EGFLAM: variants seen among roughly 807,000 people sequenced by gnomAD.
The protein encoded by EGFLAM is pikachurin.
In EGFLAM, 79 loss-of-function variants were observed where a neutral mutation model predicts 113.1. That is an observed-to-expected ratio of 0.70 (90% CI 0.58 to 0.84). The LOEUF is 0.84. EGFLAM is among the 40% of genes least tolerant of loss of function. The probability of loss-of-function intolerance (pLI) is 0.00; values close to 1 mark genes in which losing one functional copy is unlikely to be tolerated. For missense variants in EGFLAM, 1,265 were observed against 1,291.6 expected (o/e 0.98, Z 0.32); for synonymous variants, 504 against 487.6 (o/e 1.03, Z -0.44).
intron 5 of EGFLAM, among the ~76,000 whole-genome samples, chr5:38,354,217 A>G (rs1441008182): frequency 1.3e-5 from 2 of 152,084 alleles, no homozygotes; most frequent in Non-Finnish European, 1.5e-5. Flanking sequence ...CGCCCCTGCC[A>G]TTGAACAGAT....
rs774283779 is a variant in EGFLAM at position 38,451,320 on chromosome 5, C to T, written c.2549C>T (p.Ser850Leu). ...YDNPDILKRVSGSRSNVFMRF... is the reference protein window; with the variant it reads ...YDNPDILKRVLGSRSNVFMRF... Reference sequence around the variant, plus strand: ...TATTTGTGTATTTCCTCCAGGGTGTCAGGATCAAGATCAAATGTGTTCATG... The same window carrying T: ...TATTTGTGTATTTCCTCCAGGGTGTTAGGATCAAGATCAAATGTGTTCATG... Residue 850 changes from serine (S) to leucine (L), a missense_variant, in exon 19 of 22, where the codon TCA (serine) becomes TTA (leucine). Coordinates refer to ENST00000322350, the MANE Select transcript of EGFLAM (RefSeq NM_152403.4). 6.2e-7 allele frequency: 1 copy of T among 1,612,876 alleles called. No individual in the cohort carries two copies. Among genetic ancestry groups the T allele is most frequent in the South Asian group, 1.1e-5 (1 of 90,906 alleles).
At chr5:38,391,417 T>TGA (rs1220655676) in intron 6 of EGFLAM, among the ~76,000 whole-genome samples, 3 of 151,630 alleles carry the variant, frequency 2.0e-5, no homozygotes, top group Non-Finnish European at 4.4e-5. Flanking sequence ...TGTGTGTGTG[T>TGA]GATGGAGTCT....
chr5:38,449,270 G>T (rs1233350400), intron 18 of EGFLAM, among the ~76,000 whole-genome samples: 1 of 152,128 alleles, frequency 6.6e-6, no homozygotes, highest in East Asian at 1.9e-4. Context: ...GTGGAGTTTG[G>T]TGGCTTTTCA....
At chr5:38,425,646 T>G (rs1451148697) in intron 13 of EGFLAM, among the ~76,000 whole-genome samples, 1 of 152,238 alleles carries the variant, frequency 6.6e-6, no homozygotes, top group African/African-American at 2.4e-5. Context: ...CACTTCTTAC[T>G]GCAGGGCACC....
At chr5:38,417,544 T>C (rs1296204929) in intron 11 of EGFLAM, among the ~76,000 whole-genome samples, 1 of 152,086 alleles carries the variant, frequency 6.6e-6, no homozygotes, top group East Asian at 1.9e-4. Flanking sequence ...ACACTTTGCA[T>C]CATAATCTGT....
In EGFLAM at chr5:38,343,362, C is replaced by T. The variant is rs575052613; in HGVS notation, c.291+4581C>T. ...CGGAGGTTACAGTGAGCCGAGATCG[C>T]GCCATTGCACTCTAGCCTGGGCAAC... is the stretch of plus-strand genomic sequence containing the variant. On this transcript the variant is annotated intron_variant, in intron 3 of 21. Coordinates refer to ENST00000322350, the MANE Select transcript of EGFLAM (RefSeq NM_152403.4). Among the ~76,000 whole-genome samples the T allele has an allele frequency of 1.5e-3, 224 of 148,364 alleles. 1 individual carries two copies. Among genetic ancestry groups the T allele is most frequent in the African/African-American group, 4.1e-3 (165 of 40,040 alleles).
chr5:38,326,947 C>T lies in EGFLAM; in HGVS notation c.98-10573C>T, dbSNP rs369251149. 1.6e-4 allele frequency among the ~76,000 whole-genome samples: 24 copies of T among 150,698 alleles called. No homozygotes were observed. The East Asian group carries it at 1.8e-3, about 11-fold the overall frequency. ...CCAAGTAGCTGGGATTACAGACATGCGACACCACGCCTGGCTAATTTTGTA... is the reference window on the plus strand; with the variant it reads ...CCAAGTAGCTGGGATTACAGACATGTGACACCACGCCTGGCTAATTTTGTA... On this transcript the variant is annotated intron_variant, in intron 1 of 21. Coordinates refer to ENST00000322350, the MANE Select transcript of EGFLAM (RefSeq NM_152403.4).
Position 38,297,865 on chromosome 5 carries a change from G to A in EGFLAM, c.97+39014G>A, listed in dbSNP as rs145528703. On this transcript the variant is annotated intron_variant, in intron 1 of 21. Transcript: ENST00000322350. ...TCAGAGCTATTTCTGGGCACCCACA[G>A]GTCCTAAATCATTTTGTAAAGAGAA... Among the ~76,000 whole-genome samples the A allele has an allele frequency of 4.6e-3, 699 of 152,302 alleles. 2 individuals are homozygous for A. Among genetic ancestry groups the A allele is most frequent in the Non-Finnish European group, 5.9e-3 (404 of 68,036 alleles).
chr5:38,270,842 T>C (rs1199579509), intron 1 of EGFLAM, among the ~76,000 whole-genome samples: 1 of 152,220 alleles, frequency 6.6e-6, no homozygotes, highest in African/African-American at 2.4e-5. Flanking sequence ...TAATGCATAT[T>C]AATTAGATTC....
At chr5:38,313,552 T>C (rs1430574889) in intron 1 of EGFLAM, among the ~76,000 whole-genome samples, 1 of 152,216 alleles carries the variant, frequency 6.6e-6, no homozygotes, top group Non-Finnish European at 1.5e-5. Context: ...GGCATATTAG[T>C]ATATTTTAAA....
chr5:38,379,166 G>A (rs563518639), intron 6 of EGFLAM, among the ~76,000 whole-genome samples: 10 of 152,330 alleles, frequency 6.6e-5, no homozygotes, highest in African/African-American at 2.2e-4. Context: ...GGAATCATTA[G>A]GATGGGACTT....
chr5:38,413,805 A>G (rs1338575102), intron 11 of EGFLAM, among the ~76,000 whole-genome samples: 5 of 152,152 alleles, frequency 3.3e-5, no homozygotes, highest in Non-Finnish European at 5.9e-5. Flanking sequence ...GTGGAAGTCA[A>G]TTTTTCCACG....
At chr5:38,362,679 T>C (rs1351256599) in intron 5 of EGFLAM, among the ~76,000 whole-genome samples, 4 of 152,176 alleles carry the variant, frequency 2.6e-5, no homozygotes, top group African/African-American at 9.7e-5. Flanking sequence ...AAAGAATTCT[T>C]TTCCTTACCT....
At chr5:38,410,712 T>A (rs571085760) in intron 10 of EGFLAM, among the ~76,000 whole-genome samples, 1 of 152,090 alleles carries the variant, frequency 6.6e-6, no homozygotes, top group Admixed American at 6.5e-5. Context: ...ACAAGAATAA[T>A]GCAGCCATCT....
intron 1 of EGFLAM, among the ~76,000 whole-genome samples, chr5:38,306,703 T>C (rs187994700): frequency 6.6e-6 from 1 of 152,222 alleles, no homozygotes; most frequent in Admixed American, 6.5e-5. Flanking sequence ...TGATGCCTCC[T>C]GTGGGTATCC....
intron 6 of EGFLAM, among the ~76,000 whole-genome samples, chr5:38,388,637 G>A (rs543240624): frequency 1.3e-5 from 2 of 151,708 alleles, no homozygotes; most frequent in Non-Finnish European, 2.9e-5. Context: ...GCACATGCCT[G>A]TAATCCCAGC....
intron 1 of EGFLAM, among the ~76,000 whole-genome samples, chr5:38,281,889 T>G (rs1254572036): frequency 6.6e-6 from 1 of 152,194 alleles, no homozygotes; most frequent in Non-Finnish European, 1.5e-5. Context: ...TAAAAATAAT[T>G]TAACTGGAAA....
Position 38,432,162 on chromosome 5 carries a change from T to C in EGFLAM, c.2166+874T>C, listed in dbSNP as rs376141939. 2.4e-3 allele frequency among the ~76,000 whole-genome samples: 365 copies of C among 152,344 alleles called. 1 individual carries two copies. Among genetic ancestry groups the C allele is most frequent in the African/African-American group, 6.8e-3 (281 of 41,576 alleles). ...GACTTTAGATTTGCCAATATCTTAG[T>C]TCCCACCAGTTTTCATTCTGTGTAA... is the stretch of plus-strand genomic sequence containing the variant. On this transcript the variant is annotated intron_variant, in intron 15 of 21. Transcript: ENST00000322350.
chr5:38,314,965 C>A (rs950017361), intron 1 of EGFLAM, among the ~76,000 whole-genome samples: 2 of 152,162 alleles, frequency 1.3e-5, no homozygotes, highest in African/African-American at 2.4e-5. Flanking sequence ...ACAAAAAAAT[C>A]CTTGTCATAA....
Sources: allele counts gnomAD v4.1 joint callset (sites outside exome capture counted in the v4.1 genomes callset), GRCh38; gene constraint gnomAD v4.1.1; transcripts MANE v1.5; gene names NCBI Gene and HGNC (gene_info 2026-07-23, HGNC 2026-07-21).